Variants in RIN3 observed in about 807,000 individuals in gnomAD.
The protein encoded by RIN3 is Ras and Rab interactor 3, also known as RAB5 interacting protein 3.
RIN3 carries 54 observed loss-of-function variants against 76.3 expected under a neutral mutation model. That is an observed-to-expected ratio of 0.71 (90% CI 0.57 to 0.89). The LOEUF (loss-of-function observed/expected upper bound fraction) is 0.89. Among genes scored for constraint, RIN3 ranks in the 40% least tolerant of loss-of-function variants. The pLI is 0.00. For synonymous variants in RIN3, 576 were observed against 564.0 expected (o/e 1.02, Z -0.30); for missense variants, 1,256 against 1,322.1 (o/e 0.95, Z 0.78).
chr14:92,572,356 G>A (rs967110041), intron 2 of RIN3, among the ~76,000 whole-genome samples: 3 of 152,236 alleles, frequency 2.0e-5, no homozygotes, highest in African/African-American at 7.2e-5. Flanking sequence ...GTTACACTCC[G>A]CCATTTTGCC....
At chr14:92,526,064 T>G (rs8018008) in intron 1 of RIN3, among the ~76,000 whole-genome samples, 19,165 of 152,028 alleles carry the variant, frequency 0.13, 4,043 homozygotes, top group African/African-American at 0.44. Context: ...TTGACAATCT[T>G]CTGGACGGAC....
chr14:92,666,239 C>T (rs1566895853), intron 7 of RIN3, among the ~76,000 whole-genome samples: 1 of 152,182 alleles, frequency 6.6e-6, no homozygotes, highest in Non-Finnish European at 1.5e-5. Flanking sequence ...CCTTCATGGC[C>T]CGCTTGAAAG....
chr14:92,573,212 A>T (rs1898115338), intron 2 of RIN3, among the ~76,000 whole-genome samples: 1 of 152,032 alleles, frequency 6.6e-6, no homozygotes, highest in Non-Finnish European at 1.5e-5. Flanking sequence ...TATTGAGGGG[A>T]TGACATCTCT....
In RIN3 at chr14:92,648,969, T is replaced by C. The variant is rs1190316654; in HGVS notation, c.533-2613T>C. Among the ~76,000 whole-genome samples the C allele has an allele frequency of 6.6e-6, 1 of 152,080 alleles. No homozygotes were observed. Among genetic ancestry groups the C allele is most frequent in the Non-Finnish European group, 1.5e-5 (1 of 68,000 alleles). On this transcript the variant is annotated intron_variant, in intron 5 of 9. Transcript: ENST00000216487. The surrounding 1 kb of genome is among the most constrained non-coding windows in gnomAD (Gnocchi z 4.1). ...CAAGACCTGCTGGTGGGGCAGCGCATGGCACGTGGAGGAAGGAGTGAACGG... is the reference window on the plus strand; with the variant it reads ...CAAGACCTGCTGGTGGGGCAGCGCACGGCACGTGGAGGAAGGAGTGAACGG...
chr14:92,531,460 C>G (rs1017811950), intron 1 of RIN3, among the ~76,000 whole-genome samples: 1 of 152,200 alleles, frequency 6.6e-6, no homozygotes, highest in African/African-American at 2.4e-5. Context: ...TAAATGTTAA[C>G]AGGGAACAAA....
intron 8 of RIN3, among the ~76,000 whole-genome samples, chr14:92,683,566 T>A (rs967232953): frequency 2.0e-5 from 3 of 152,124 alleles, no homozygotes; most frequent in Non-Finnish European, 4.4e-5. Flanking sequence ...GGAAACATTG[T>A]GTATTAAGAA....
At chr14:92,629,335 C>G (rs1886477684) in intron 4 of RIN3, among the ~76,000 whole-genome samples, 1 of 152,128 alleles carries the variant, frequency 6.6e-6, no homozygotes, top group African/African-American at 2.4e-5. Context: ...AACGCACGAG[C>G]AAAACAAGGA....
In RIN3 at chr14:92,688,870, A is replaced by G. The variant is rs3742713; in HGVS notation, c.*618A>G. ...CAAGCACGGCCAGCTCCGCGGACCC[A>G]TGGACAAGCCCAGCCCCGCCTCAGG... On this transcript the variant is annotated 3_prime_UTR_variant, in exon 10 of 10. Transcript: ENST00000216487. 7.2e-3 allele frequency: 1,102 copies of G among 153,504 alleles called. 56 individuals are homozygous for G. The East Asian group carries it at 0.13, about 18-fold the overall frequency. 9.5% of individuals were successfully genotyped at this position (153,504 alleles called of 1,614,324 possible).
intron 3 of RIN3, among the ~76,000 whole-genome samples, chr14:92,595,314 A>G (rs1460502703): frequency 6.6e-6 from 1 of 152,170 alleles, no homozygotes; most frequent in South Asian, 2.1e-4. Flanking sequence ...TGGGTAGCTG[A>G]GTGGATTGGG....
chr14:92,513,939 C>A lies in RIN3; in HGVS notation c.7C>A (p.Arg3=). The A allele has an allele frequency of 8.0e-7, 1 of 1,247,180 alleles. No individual in the cohort carries two copies. Among genetic ancestry groups the A allele is most frequent in the Non-Finnish European group, 1.0e-6 (1 of 995,732 alleles). The allele number at this position is 1,247,180 out of a possible 1,614,324, so 77.3% of individuals were successfully genotyped here. The change falls in exon 1 of 10, where the codon CGA becomes AGA. Residue 3 remains arginine, a synonymous_variant. Coordinates refer to ENST00000216487, the MANE Select transcript of RIN3 (RefSeq NM_024832.5). MI[R]HAGAPARGDP... is the part of the protein sequence containing the mutation. ...TCCCGGAGCTGCCGGCGGCATGATC[C>A]GACACGCCGGGGCGCCCGCGCGCGG...
At chr14:92,527,585 AACAG>A (rs1460537750) in intron 1 of RIN3, among the ~76,000 whole-genome samples, 3 of 152,156 alleles carry the variant, frequency 2.0e-5, no homozygotes, top group Non-Finnish European at 2.9e-5. Flanking sequence ...CGTTTTGACA[AACAG>A]ACAGCCATGC....
chr14:92,532,756 G>A (rs1208760230), intron 1 of RIN3, among the ~76,000 whole-genome samples: 6 of 152,182 alleles, frequency 3.9e-5, no homozygotes, highest in African/African-American at 1.4e-4. Flanking sequence ...GAGGAAGGGT[G>A]GTCTCCTCAG....
chr14:92,638,201 T>C (rs572442355), intron 4 of RIN3, among the ~76,000 whole-genome samples: 15 of 152,110 alleles, frequency 9.9e-5, no homozygotes, highest in African/African-American at 3.6e-4. Context: ...CCTCGAAGGA[T>C]GTATAGAATC....
chr14:92,575,439 G>GAA, intron 2 of RIN3, among the ~76,000 whole-genome samples: 1 of 152,286 alleles, frequency 6.6e-6, no homozygotes, highest in South Asian at 2.1e-4. Flanking sequence ...CAAAAGAATG[G>GAA]GTGCTCTATC....
At chr14:92,670,444 C>T (rs1178045453) in intron 7 of RIN3, among the ~76,000 whole-genome samples, 1 of 152,208 alleles carries the variant, frequency 6.6e-6, no homozygotes, top group Non-Finnish European at 1.5e-5. Flanking sequence ...ATCCCAGTGG[C>T]ACTTCCTGAG....
intron 3 of RIN3, among the ~76,000 whole-genome samples, chr14:92,592,168 G>A (rs1176679452): frequency 2.0e-5 from 3 of 152,046 alleles, no homozygotes; most frequent in African/African-American, 4.8e-5. Context: ...TTGGGAGGCC[G>A]AGGCAGGTGG....
Position 92,641,368 on chromosome 14 carries a change from G to A in RIN3, c.532+39G>A, listed in dbSNP as rs561165032. ...GAGGGGTTAGGGGAGCTGGTGGGGCGTTAGGAACTGGGGCCCTAGGACTGC... is the reference window on the plus strand; with the variant it reads ...GAGGGGTTAGGGGAGCTGGTGGGGCATTAGGAACTGGGGCCCTAGGACTGC... On this transcript the variant is annotated intron_variant, in intron 5 of 9. Transcript: ENST00000216487. 45 of 1,499,672 alleles carry A rather than the reference G, an allele frequency of 3.0e-5. No individual in the cohort carries two copies. In the South Asian group the frequency reaches 3.6e-4, roughly 12 times the overall value. 92.9% of individuals were successfully genotyped at this position (1,499,672 alleles called of 1,614,324 possible).
chr14:92,596,350 G>A (rs567116677), intron 3 of RIN3, among the ~76,000 whole-genome samples: 53 of 152,318 alleles, frequency 3.5e-4, no homozygotes, highest in African/African-American at 1.1e-3. Context: ...ACATTGGCCC[G>A]TCTGTCTTCA....
At chr14:92,621,533 A>G (rs1886182842) in intron 4 of RIN3, among the ~76,000 whole-genome samples, 1 of 152,226 alleles carries the variant, frequency 6.6e-6, no homozygotes, top group Non-Finnish European at 1.5e-5. Flanking sequence ...GGACAACTTG[A>G]AAACTGTTGG....
Sources: allele counts gnomAD v4.1 joint callset (sites outside exome capture counted in the v4.1 genomes callset), GRCh38; gene constraint gnomAD v4.1.1; non-coding constraint Gnocchi (gnomAD v3.1); transcripts MANE v1.5; gene names NCBI Gene and HGNC (gene_info 2026-07-23, HGNC 2026-07-21).